The following TSPEAR variants were observed in gnomAD, a reference collection of about 807,000 sequenced individuals.
TSPEAR encodes the protein thrombospondin type laminin G domain and EAR repeats.
TSPEAR carries 69 observed loss-of-function variants against 71.6 expected under a neutral mutation model. The ratio of observed to expected loss-of-function variants is 0.96; its 90% confidence interval spans 0.79 to 1.18. The LOEUF is 1.18. TSPEAR is among the 50% of genes most tolerant of loss of function. The pLI, the probability that TSPEAR is intolerant of heterozygous loss-of-function variation, is 0.00. For synonymous variants in TSPEAR, 402 were observed against 387.2 expected, an observed-to-expected ratio of 1.04 and a Z score of -0.45; for missense variants, 971 against 894.9, an observed-to-expected ratio of 1.09 and a Z score of -1.09.
intron 2 of TSPEAR, among the ~76,000 whole-genome samples, chr21:44,555,698 G>A (rs1458461654): frequency 6.6e-6 from 1 of 152,066 alleles, no homozygotes; most frequent in Non-Finnish European, 1.5e-5. Context: ...GCAGGGTAGA[G>A]GCTGCACACA....
chr21:44,683,116 G>A (rs1286469999), intron 1 of TSPEAR, among the ~76,000 whole-genome samples: 1 of 152,054 alleles, frequency 6.6e-6, no homozygotes, highest in Non-Finnish European at 1.5e-5. Flanking sequence ...ACCCGCCTAG[G>A]CCAGCCCGAA....
chr21:44,699,800 G>A (rs1555951279), intron 1 of TSPEAR, among the ~76,000 whole-genome samples: 2 of 152,202 alleles, frequency 1.3e-5, no homozygotes, highest in Admixed American at 1.3e-4. Flanking sequence ...GCCTCCAGGT[G>A]TGCCCCCAGA....
intron 1 of TSPEAR, chr21:44,702,477 CGTCTGCTGCAAGCCT>C: frequency 6.2e-7 from 1 of 1,609,026 alleles, no homozygotes; most frequent in Non-Finnish European, 8.5e-7. Context: ...GCTGTGTGCC[CGTCTGCTGCAAGCCT>C]GTCTGTTGCA....
At chr21:44,547,245 A>G (rs988961289) in intron 2 of TSPEAR, among the ~76,000 whole-genome samples, 3 of 152,110 alleles carry the variant, frequency 2.0e-5, no homozygotes, top group African/African-American at 7.2e-5. Flanking sequence ...TAAAGTTCCT[A>G]TCTCTTTATT....
intron 1 of TSPEAR, among the ~76,000 whole-genome samples, chr21:44,619,493 T>G (rs1982313837): frequency 6.6e-6 from 1 of 152,180 alleles, no homozygotes; most frequent in Non-Finnish European, 1.5e-5. Flanking sequence ...GGAAAAGCAA[T>G]TAATGGAAAA....
chr21:44,639,612 C>A (rs782134022), intron 1 of TSPEAR, among the ~76,000 whole-genome samples: 3 of 152,188 alleles, frequency 2.0e-5, no homozygotes, highest in Non-Finnish European at 4.4e-5. Flanking sequence ...TGTCCAAAAA[C>A]CTGCCCCGGT....
chr21:44,677,107 AC>A (rs1358116623), intron 1 of TSPEAR: 21 of 716,136 alleles, frequency 2.9e-5, no homozygotes, highest in Non-Finnish European at 5.2e-5. Flanking sequence ...AGCTGCTTGG[AC>A]CTTTTTGACC....
At chr21:44,646,300 CCAA>C (rs1456411242) in intron 1 of TSPEAR, 14 of 1,065,480 alleles carry the variant, frequency 1.3e-5, no homozygotes, top group Middle Eastern at 3.2e-4. Context: ...GCTGTAAACA[CCAA>C]CAAGGAAGAA....
intron 1 of TSPEAR, among the ~76,000 whole-genome samples, chr21:44,631,600 C>T (rs1267363019): frequency 6.6e-6 from 1 of 152,130 alleles, no homozygotes; most frequent in East Asian, 1.9e-4. Context: ...GTGGCTCATG[C>T]CTGTAATCTC....
intron 1 of TSPEAR, among the ~76,000 whole-genome samples, chr21:44,586,535 T>C (rs1979349687): frequency 6.6e-6 from 1 of 152,124 alleles, no homozygotes; most frequent in Admixed American, 6.5e-5. Context: ...GTTTTTAGCG[T>C]ATTCCCAGTG....
intron 9 of TSPEAR, chr21:44,516,246 G>A (rs2052564643): frequency 6.6e-6 from 1 of 152,286 alleles, no homozygotes; most frequent in Admixed American, 6.5e-5. Context: ...TGTCAGGAGT[G>A]AAGGGAGCTG....
At chr21:44,707,376 A>G (rs71317705) in intron 1 of TSPEAR, among the ~76,000 whole-genome samples, 33,669 of 151,524 alleles carry the variant, frequency 0.22, 4,395 homozygotes, top group Admixed American at 0.31. Flanking sequence ...GGCCGAGGCC[A>G]CGCAGCTGCG....
chr21:44,524,188 CA>C (rs1268046760), intron 8 of TSPEAR, among the ~76,000 whole-genome samples: 1 of 150,874 alleles, frequency 6.6e-6, no homozygotes, highest in Non-Finnish European at 1.5e-5. Flanking sequence ...GTCAGACAGT[CA>C]GGTAGTTAGG....
Position 44,529,868 on chromosome 21 carries a change from C to T in TSPEAR, c.720G>A (p.Leu240=), listed in dbSNP as rs1158194507. The T allele has an allele frequency of 8.1e-6, 13 of 1,613,610 alleles. No homozygotes were observed. The highest frequency in any genetic ancestry group is 9.3e-6 in the Non-Finnish European group (11 of 1,179,932). ...GAGCCTGCAGGACCCGTGGGATGGACAGCACCGCCAGCGGGGCGTTCCTGC... is the reference window on the plus strand; with the variant it reads ...GAGCCTGCAGGACCCGTGGGATGGATAGCACCGCCAGCGGGGCGTTCCTGC... The part of the protein sequence containing the change: ...CPSRNAPLAV[L]SIPRVLQALT... Residue 240 remains leucine (L), a synonymous_variant, in exon 5 of 12, where the codon CTG becomes CTA. Transcript: ENST00000323084.
chr21:44,667,871 C>T (rs906236815), intron 1 of TSPEAR, among the ~76,000 whole-genome samples: 2 of 152,200 alleles, frequency 1.3e-5, no homozygotes, highest in South Asian at 2.1e-4. Flanking sequence ...AAGATTCTTT[C>T]ATGATGACAA....
chr21:44,643,312 G>A (rs1420096974), intron 1 of TSPEAR, among the ~76,000 whole-genome samples: 1 of 152,190 alleles, frequency 6.6e-6, no homozygotes, highest in African/African-American at 2.4e-5. Flanking sequence ...TGCAGGATGA[G>A]TCAGTTCTGG....
chr21:44,533,888 C>T lies in TSPEAR; in HGVS notation c.339G>A (p.Glu113=), dbSNP rs1234305837. 6.2e-7 allele frequency: 1 copy of T among 1,611,724 alleles called. No individual in the cohort carries two copies. Among genetic ancestry groups the T allele is most frequent in the Non-Finnish European group, 8.5e-7 (1 of 1,179,742 alleles). The part of the protein sequence containing the change: ...NEYLLTVVAE[E]SDLLLLGLRL... ...GCAGGCCGAGCAGCAGCAGGTCGCT[C>T]TCCTCTGCCACCACCGTCAGCAGGT... The change falls in exon 3 of 12, where the codon GAG becomes GAA. Residue 113 remains glutamate (E), a synonymous_variant. Coordinates refer to ENST00000323084, the MANE Select transcript of TSPEAR (RefSeq NM_144991.3).
intron 1 of TSPEAR, among the ~76,000 whole-genome samples, chr21:44,679,121 C>T (rs1986460208): frequency 6.6e-6 from 1 of 152,104 alleles, no homozygotes; most frequent in Admixed American, 6.5e-5. Flanking sequence ...CACAGGGATC[C>T]ACCAGCTTAT....
intron 2 of TSPEAR, among the ~76,000 whole-genome samples, chr21:44,537,438 C>G (rs1484475447): frequency 4.6e-5 from 7 of 152,142 alleles, no homozygotes; most frequent in Admixed American, 4.6e-4. Context: ...GATAAAACAG[C>G]TGGAATGGAT....
Sources: allele counts gnomAD v4.1 joint callset (sites outside exome capture counted in the v4.1 genomes callset), GRCh38; gene constraint gnomAD v4.1.1; transcripts MANE v1.5; gene names NCBI Gene and HGNC (gene_info 2026-07-23, HGNC 2026-07-21).